MYOF: variants seen among roughly 807,000 people sequenced by gnomAD.
MYOF encodes fer-1-like 3, myoferlin.
Under a neutral mutation model 284.2 loss-of-function variants are expected in MYOF, and 244 were observed. The ratio of observed to expected loss-of-function variants is 0.86; its 90% CI spans 0.77 to 0.95. MYOF has a LOEUF of 0.95. Among genes scored for constraint, MYOF ranks in the 40% least tolerant of loss-of-function variants. The probability of loss-of-function intolerance (pLI) is 0.00; values close to 1 mark genes in which losing one functional copy is unlikely to be tolerated. For missense variants in MYOF, 2,496 were observed against 2,560.6 expected (o/e 0.97, Z 0.54); for synonymous variants, 904 against 919.7 (o/e 0.98, Z 0.31).
chr10:93,327,607 G>T (rs1330290720), intron 45 of MYOF, among the ~76,000 whole-genome samples: 3 of 151,976 alleles, frequency 2.0e-5, no homozygotes, highest in Non-Finnish European at 2.9e-5. Context: ...ATTGTTTGGG[G>T]GTACCCTTAA....
At position 93,379,919 on chromosome 10, in the gene MYOF, C is replaced by A. The variant is rs776154312; in HGVS notation, c.1945G>T (p.Asp649Tyr). 18 of 1,614,016 alleles carry A rather than the reference C, an allele frequency of 1.1e-5. No individual in the cohort carries two copies. The highest frequency in any genetic ancestry group is 1.4e-5 in the Non-Finnish European group (17 of 1,179,996). The change falls in exon 21 of 54, where the codon GAT becomes TAT. Residue 649 changes from aspartate (D) to tyrosine (Y), a missense_variant. Asp to Tyr is a radical substitution (Grantham distance 160). This residue lies in a region of MYOF where 2,436 missense variants were observed against 2,480.7 expected (regional missense o/e 0.98). Coordinates refer to ENST00000359263, the MANE Select transcript of MYOF (RefSeq NM_013451.4). ...ACCGCATCCAGGCGATGACTAATAT[C>A]CTCCCAGTATGAAGTCAGGGTAACA... ...PVVTLTSYWE[D>Y]ISHRLDAVNT...
chr10:93,377,578 C>G, intron 21 of MYOF, 149 bp from the exon 22 acceptor site: 1 of 621,182 alleles, frequency 1.6e-6, no homozygotes. Flanking sequence ...GGAGAGGGAA[C>G]CCTAAAGTGG....
At chr10:93,311,743 A>T (rs552769932) in intron 51 of MYOF, among the ~76,000 whole-genome samples, 1 of 152,254 alleles carries the variant, frequency 6.6e-6, no homozygotes, top group South Asian at 2.1e-4. Context: ...AGCCCTGATG[A>T]CCTCTACCCT....
intron 3 of MYOF, among the ~76,000 whole-genome samples, chr10:93,447,852 G>T (rs1418969541): frequency 6.6e-6 from 1 of 151,968 alleles, no homozygotes; most frequent in East Asian, 1.9e-4. Flanking sequence ...GTTTTCAATG[G>T]GTCTAAAATA....
At chr10:93,330,901 C>A (rs894655031) in intron 43 of MYOF, among the ~76,000 whole-genome samples, 1 of 152,116 alleles carries the variant, frequency 6.6e-6, no homozygotes, top group African/African-American at 2.4e-5. Context: ...AGCACCTTAC[C>A]CACATGTGCC....
intron 11 of MYOF, 123 bp downstream of exon 11, chr10:93,402,109 G>T: frequency 1.4e-6 from 1 of 713,552 alleles, no homozygotes. Context: ...TGAAGAATAG[G>T]GGGAATCTGA....
rs372097157 is a variant in MYOF at position 93,366,501 on chromosome 10, G to A, written c.2644C>T (p.Arg882Cys). 3.2e-5 allele frequency: 51 copies of A among 1,613,326 alleles called. No homozygotes were observed. The highest frequency in any genetic ancestry group is 1.1e-4 in the South Asian group (10 of 91,018). The stretch of plus-strand genomic sequence containing the variant: ...CCTGTGACATCAGAAAACTTATGAC[G>A]TCCTACTAATCCAGAAGTACCCCAT... ...GKWGTSGLVG[R>C]HKFSDVTGKI... The change falls in exon 26 of 54, where the codon CGT (arginine) becomes TGT (cysteine). Residue 882 changes from arginine to cysteine, a missense_variant. Coordinates refer to ENST00000359263, the MANE Select transcript of MYOF (RefSeq NM_013451.4).
intron 3 of MYOF, among the ~76,000 whole-genome samples, chr10:93,444,657 C>T (rs2056376783): frequency 6.6e-6 from 1 of 152,212 alleles, no homozygotes; most frequent in Non-Finnish European, 1.5e-5. Flanking sequence ...ACATCTATTG[C>T]AGTTTGAGGG....
intron 1 of MYOF, among the ~76,000 whole-genome samples, chr10:93,460,660 G>T (rs112553553): frequency 0.19 from 28,781 of 151,248 alleles, 3,242 homozygotes; most frequent in Middle Eastern, 0.27. Flanking sequence ...CCAGCCACTC[G>T]AGAGGCTGAG....
Position 93,325,850 on chromosome 10 carries a change from G to A in MYOF, c.5247C>T (p.Ser1749=). ...CCTGGGAAATGTTGGGCTGGAAGGTGCTGTGCAAAGTCCTTGTTTCCACGT... is the reference window on the plus strand; with the variant it reads ...CCTGGGAAATGTTGGGCTGGAAGGTACTGTGCAAAGTCCTTGTTTCCACGT... The part of the protein sequence containing the change: ...PEHVETRTLH[S]TFQPNISQGK... The change falls in exon 46 of 54, where the codon AGC becomes AGT. Residue 1749 remains serine (S), a synonymous_variant. Coordinates refer to ENST00000359263, the MANE Select transcript of MYOF (RefSeq NM_013451.4). 9 of 1,614,042 alleles carry A rather than the reference G, an allele frequency of 5.6e-6. No homozygotes were observed. The highest frequency in any genetic ancestry group is 7.6e-6 in the Non-Finnish European group (9 of 1,179,998).
At chr10:93,456,717 C>T (rs2056752586) in intron 2 of MYOF, among the ~76,000 whole-genome samples, 165 bp downstream of exon 2, 1 of 152,204 alleles carries the variant, frequency 6.6e-6, no homozygotes, top group Non-Finnish European at 1.5e-5. Flanking sequence ...AGCTACTCTC[C>T]TTGAACTGCT....
At chr10:93,479,431 C>A (rs78319949) in intron 1 of MYOF, among the ~76,000 whole-genome samples, 26,208 of 151,878 alleles carry the variant, frequency 0.17, 2,574 homozygotes, top group East Asian at 0.51. Context: ...CTTAATTTTA[C>A]GCAGTGCTCA....
Position 93,456,942 on chromosome 10 carries a change from A to C in MYOF, c.89-5T>G. ...TCTTTGTTTTCTTTTTCTCATCTGC[A>C]AAAGAGATAAAGGAAGAGACAGCAA... On this transcript the variant is annotated splice_region_variant and splice_polypyrimidine_tract_variant and intron_variant, in intron 1 of 53. Coordinates refer to ENST00000359263, the MANE Select transcript of MYOF (RefSeq NM_013451.4). 1.3e-6 allele frequency: 2 copies of C among 1,599,950 alleles called. No homozygotes were observed. The highest frequency in any genetic ancestry group is 1.7e-6 in the Non-Finnish European group (2 of 1,173,640).
chr10:93,394,625 G>T (rs1254154742), intron 16 of MYOF, among the ~76,000 whole-genome samples: 1 of 150,326 alleles, frequency 6.7e-6, no homozygotes, highest in Non-Finnish European at 1.5e-5. Context: ...CACGCCCGGA[G>T]AATTTTTTGT....
chr10:93,468,439 C>A (rs2057061306), intron 1 of MYOF, among the ~76,000 whole-genome samples: 1 of 152,242 alleles, frequency 6.6e-6, no homozygotes. Context: ...GTGTTGGAAT[C>A]AGAACTATCA....
chr10:93,366,553 A>G lies in MYOF; in HGVS notation c.2592T>C (p.Tyr864=). 6.2e-7 allele frequency: 1 copy of G among 1,600,634 alleles called. No homozygotes were observed. The highest frequency in any genetic ancestry group is 8.5e-7 in the Non-Finnish European group (1 of 1,175,858). The change falls in exon 26 of 54, where the codon TAT becomes TAC. Residue 864 remains tyrosine (Y), a splice_region_variant and synonymous_variant. Coordinates refer to ENST00000359263, the MANE Select transcript of MYOF (RefSeq NM_013451.4). ...EGTFTVFAEM[Y]ENQALMFGKW... is the part of the protein sequence containing the mutation. ...TTCCAAACATGAGAGCTTGATTTTC[A>G]TACTATTAAAAAAGAGATAAAATTG...
chr10:93,359,884 C>G lies in MYOF; in HGVS notation c.3069G>C (p.Leu1023=). 1.2e-6 allele frequency: 2 copies of G among 1,614,174 alleles called. No individual in the cohort carries two copies. The highest frequency in any genetic ancestry group is 1.7e-6 in the Non-Finnish European group (2 of 1,180,026). The change falls in exon 29 of 54, where the codon CTG becomes CTC. Residue 1023 remains leucine, a synonymous_variant. Coordinates refer to ENST00000359263, the MANE Select transcript of MYOF (RefSeq NM_013451.4). The part of the protein sequence containing the change: ...KMYHTHRRRR[L]VRKRKKDLTQ... ...TTAAATCTTTCTTGCGTTTTCGGAC[C>G]AGCCTTCGCCGTCTATGAGTGTGGT...
rs1844514024 is a variant in MYOF at position 93,351,547 on chromosome 10, T to C, written c.3688A>G (p.Ser1230Gly). ...QVGKDEFLGR[S>G]IFSPVVKLNS... The stretch of plus-strand genomic sequence containing the variant: ...AGTTTCACCACAGGAGAGAAAATGC[T>C]TCGTCCTAAAAATTCATCTTTGCCC... Residue 1230 changes from serine (S) to glycine (G), a missense_variant, in exon 34 of 54, where the codon AGC becomes GGC. Physicochemically the swap from Ser to Gly is moderately conservative, Grantham distance 56. Coordinates refer to ENST00000359263, the MANE Select transcript of MYOF (RefSeq NM_013451.4). 3 of 1,614,188 alleles carry C rather than the reference T, an allele frequency of 1.9e-6. No individual in the cohort carries two copies. Among genetic ancestry groups the C allele is most frequent in the Non-Finnish European group, 1.7e-6 (2 of 1,180,038 alleles).
At chr10:93,314,364 C>T (rs914481634) in intron 50 of MYOF, among the ~76,000 whole-genome samples, 10 of 152,206 alleles carry the variant, frequency 6.6e-5, no homozygotes, top group African/African-American at 1.2e-4. Flanking sequence ...TCTGGGATTA[C>T]AGGCATGACC....
Sources: allele counts gnomAD v4.1 joint callset (sites outside exome capture counted in the v4.1 genomes callset), GRCh38; gene constraint gnomAD v4.1.1; regional missense constraint gnomAD v4.1.1; transcripts MANE v1.5; gene names NCBI Gene and HGNC (gene_info 2026-07-23, HGNC 2026-07-21).